The following ZMYM2 variants were observed in gnomAD, a reference collection of about 807,000 sequenced individuals.
ZMYM2 encodes the protein zinc finger MYM-type protein 2.
Under a neutral mutation model 162.8 loss-of-function variants are expected in ZMYM2, and 56 were observed. The ratio of observed to expected loss-of-function variants is 0.34; its 90% CI spans 0.28 to 0.43. ZMYM2 has a LOEUF of 0.43. Ranked by LOEUF, ZMYM2 falls within the 20% of genes least tolerant of loss-of-function variation. The pLI, the probability that ZMYM2 is intolerant of heterozygous loss-of-function variation, is 1.00. For synonymous variants in ZMYM2, 510 were observed against 541.6 expected (o/e 0.94, Z 0.81); for missense variants, 1,275 against 1,621.8 (o/e 0.79, Z 3.67).
At chr13:19,914,887 G>T in the ZMYM2 span, among the ~76,000 whole-genome samples, 2 of 152,116 alleles carry the variant, frequency 1.3e-5, no homozygotes, top group African/African-American at 4.8e-5. Flanking sequence ...CTTTCCAGCT[G>T]GGGCAAGGTT....
chr13:19,942,597 C>T, the ZMYM2 span, among the ~76,000 whole-genome samples: 1 of 151,082 alleles, frequency 6.6e-6, no homozygotes, highest in African/African-American at 2.4e-5. Context: ...GTAGTCCCAG[C>T]TACTTGGGAG....
At chr13:19,879,217 T>C in the ZMYM2 span, among the ~76,000 whole-genome samples, 1 of 152,218 alleles carries the variant, frequency 6.6e-6, no homozygotes, top group East Asian at 1.9e-4. Context: ...GAATATCCAA[T>C]TTTCCCAGTA....
the ZMYM2 span, among the ~76,000 whole-genome samples, chr13:19,898,531 C>G: frequency 6.6e-6 from 1 of 152,036 alleles, no homozygotes; most frequent in Non-Finnish European, 1.5e-5. Context: ...CCGCACCCAG[C>G]CAAGAACACA....
At chr13:19,962,006 C>G (rs1277721827) in intron 2 of ZMYM2, among the ~76,000 whole-genome samples, 1 of 152,110 alleles carries the variant, frequency 6.6e-6, no homozygotes, top group African/African-American at 2.4e-5. Context: ...CTGTTCCCTC[C>G]CACCTATCCT....
the ZMYM2 span, among the ~76,000 whole-genome samples, chr13:19,874,175 T>G: frequency 5.3e-4 from 80 of 152,286 alleles, no homozygotes; most frequent in African/African-American, 1.9e-3. Flanking sequence ...CAAATACTTA[T>G]GAATCACCTA....
At chr13:19,968,604 C>CTGTCATCT (rs1956020990) in intron 2 of ZMYM2, among the ~76,000 whole-genome samples, 1 of 152,218 alleles carries the variant, frequency 6.6e-6, no homozygotes, top group African/African-American at 2.4e-5. Flanking sequence ...GTGTCCTTTA[C>CTGTCATCT]TGTCATCTTT....
chr13:19,919,570 T>C, the ZMYM2 span, among the ~76,000 whole-genome samples: 2,515 of 152,308 alleles, frequency 0.017, 78 homozygotes, highest in African/African-American at 0.057. Context: ...CATTGTGGTT[T>C]TAGTCTGCAT....
At chr13:20,004,631 G>GT (rs1950614433) in intron 4 of ZMYM2, among the ~76,000 whole-genome samples, 1 of 152,164 alleles carries the variant, frequency 6.6e-6, no homozygotes, top group African/African-American at 2.4e-5. Flanking sequence ...TGGGGATGGG[G>GT]TGTGTGGGTA....
intron 6 of ZMYM2, among the ~76,000 whole-genome samples, chr13:20,009,378 A>G (rs1175713735): frequency 6.6e-6 from 1 of 152,232 alleles, no homozygotes; most frequent in Admixed American, 6.5e-5. Context: ...AAAAGGACGG[A>G]AAGTAACTCA....
At chr13:20,058,463 C>T in intron 14 of ZMYM2, 112 bp from the exon 15 acceptor site, 1 of 1,303,040 alleles carries the variant, frequency 7.7e-7, no homozygotes, top group Admixed American at 2.7e-5. Flanking sequence ...ATTTGGTTAT[C>T]CTCTTCTGCT....
At chr13:19,870,205 G>C in the ZMYM2 span, among the ~76,000 whole-genome samples, 1 of 152,164 alleles carries the variant, frequency 6.6e-6, no homozygotes, top group Non-Finnish European at 1.5e-5. Context: ...TCCCAGGCTG[G>C]AGTGCAGCAG....
At position 20,005,186 on chromosome 13, in the gene ZMYM2, A is replaced by G. The variant is rs771228777; in HGVS notation, c.1246A>G (p.Thr416Ala). 3 of 1,590,158 alleles carry G rather than the reference A, an allele frequency of 1.9e-6. No individual in the cohort carries two copies. The African/African-American group carries it at 4.1e-5, about 22-fold the overall frequency. The stretch of plus-strand genomic sequence containing the variant: ...TCTCTATGAAGACAAACAGAATCCT[A>G]CTAAAGGAGCTCTAAATAAATCAAG... ...LSLYEDKQNP[T>A]KGALNKSRCT... is the part of the protein sequence containing the mutation. Residue 416 changes from threonine (T) to alanine (A), a missense_variant, in exon 5 of 25, where the codon ACT (threonine) becomes GCT (alanine). Thr to Ala is a moderately conservative substitution (Grantham distance 58). Transcript: ENST00000610343.
chr13:19,864,580 G>A, the ZMYM2 span: 1 of 153,482 alleles, frequency 6.5e-6, no homozygotes, highest in Non-Finnish European at 1.5e-5. Context: ...GCGGGTTGGA[G>A]GGGCTGAGGC....
At chr13:19,904,205 C>T in the ZMYM2 span, among the ~76,000 whole-genome samples, 44 of 150,996 alleles carry the variant, frequency 2.9e-4, no homozygotes, top group Admixed American at 2.7e-3. Context: ...TTTTTTTAAT[C>T]ATCTTTATGA....
the ZMYM2 span, among the ~76,000 whole-genome samples, chr13:19,928,611 A>G: frequency 5.9e-5 from 9 of 152,088 alleles, no homozygotes; most frequent in South Asian, 2.1e-4. Flanking sequence ...AGCCTGGCCA[A>G]CGTGGCAAAA....
chr13:20,079,718 CT>C (rs1173278198), intron 21 of ZMYM2, among the ~76,000 whole-genome samples: 1 of 152,064 alleles, frequency 6.6e-6, no homozygotes, highest in African/African-American at 2.4e-5. Flanking sequence ...CTAGAGAAAC[CT>C]TTTCAGGAGG....
At chr13:20,056,408 G>T (rs1955798553) in intron 14 of ZMYM2, among the ~76,000 whole-genome samples, 3 of 152,176 alleles carry the variant, frequency 2.0e-5, no homozygotes, top group African/African-American at 7.2e-5. Context: ...CCATCCCAAT[G>T]TAGGAGTTCT....
At chr13:19,990,681 A>G (rs1213781588) in intron 2 of ZMYM2, among the ~76,000 whole-genome samples, 1 of 152,236 alleles carries the variant, frequency 6.6e-6, no homozygotes, top group African/African-American at 2.4e-5. Context: ...TGTAAATCAA[A>G]GCAATACATA....
At chr13:20,018,965 A>G (rs1425348369) in intron 6 of ZMYM2, among the ~76,000 whole-genome samples, 1 of 151,800 alleles carries the variant, frequency 6.6e-6, no homozygotes, top group African/African-American at 2.4e-5. Context: ...CTGTAATCCC[A>G]GCTACTCAGG....
Sources: allele counts gnomAD v4.1 joint callset (sites outside exome capture counted in the v4.1 genomes callset), GRCh38; gene constraint gnomAD v4.1.1; transcripts MANE v1.5; gene names NCBI Gene and HGNC (gene_info 2026-07-23, HGNC 2026-07-21).